The following ST8SIA6 variants were observed in gnomAD, a reference collection of about 807,000 sequenced individuals.
ST8SIA6 encodes the protein alpha-2,8-sialyltransferase 8F.
ST8SIA6 carries 39 observed loss-of-function variants against 33.6 expected under a neutral mutation model. That is an observed-to-expected ratio of 1.16 (90% CI 0.90 to 1.52). The LOEUF is 1.52. Among genes scored for constraint, ST8SIA6 ranks in the 40% most tolerant of loss-of-function variants. The pLI, the probability that ST8SIA6 is intolerant of heterozygous loss-of-function variation, is 0.00. For synonymous variants in ST8SIA6, 172 were observed against 167.2 expected (o/e 1.03, Z -0.22); for missense variants, 441 against 443.8 (o/e 0.99, Z 0.06).
chr10:17,377,959 G>A (rs1849975331), intron 3 of ST8SIA6, among the ~76,000 whole-genome samples: 1 of 152,130 alleles, frequency 6.6e-6, no homozygotes, highest in African/African-American at 2.4e-5. Context: ...TTAGTCTCCT[G>A]TGTGCAAAAC....
chr10:17,401,212 C>G (rs10795487), intron 2 of ST8SIA6, among the ~76,000 whole-genome samples: 64,485 of 151,640 alleles, frequency 0.43, 14,653 homozygotes, highest in East Asian at 0.68. Context: ...ACCTAGGAAT[C>G]CAACTTACAA....
chr10:17,341,255 G>A (rs1286090506), intron 4 of ST8SIA6, among the ~76,000 whole-genome samples: 2 of 152,196 alleles, frequency 1.3e-5, no homozygotes, highest in Non-Finnish European at 2.9e-5. Flanking sequence ...GCTTGGATCT[G>A]TTGTGGAAGC....
intron 4 of ST8SIA6, among the ~76,000 whole-genome samples, chr10:17,341,972 A>G (rs1015179282): frequency 6.6e-5 from 10 of 151,826 alleles, no homozygotes; most frequent in African/African-American, 2.4e-4. Flanking sequence ...AACCCAGAAG[A>G]GGGCACTCAC....
Position 17,317,339 on chromosome 10 carries a change from A to G in ST8SIA6, c.*3539T>C, listed in dbSNP as rs933622278. On this transcript the variant is annotated 3_prime_UTR_variant, in exon 8 of 8. Coordinates refer to ENST00000377602, the MANE Select transcript of ST8SIA6 (RefSeq NM_001004470.3). The stretch of plus-strand genomic sequence containing the variant: ...GAAATATTCTTGCCTTTCCACTCTC[A>G]GGAGGGTACTGGTGACACTGTTCCT... Among the ~76,000 whole-genome samples, 5 of 152,170 alleles carry G rather than the reference A, an allele frequency of 3.3e-5. No homozygotes were observed. Among genetic ancestry groups the G allele is most frequent in the Admixed American group, 1.3e-4 (2 of 15,272 alleles).
intron 3 of ST8SIA6, among the ~76,000 whole-genome samples, chr10:17,390,289 T>A (rs77882108): frequency 0.017 from 2,638 of 152,186 alleles, 77 homozygotes; most frequent in African/African-American, 0.06. Flanking sequence ...GGCCCCTACA[T>A]GGTATTTTTA....
intron 3 of ST8SIA6, among the ~76,000 whole-genome samples, chr10:17,375,288 T>C (rs1849875687): frequency 6.6e-6 from 1 of 152,236 alleles, no homozygotes; most frequent in Admixed American, 6.5e-5. Context: ...TTCTTCCTGA[T>C]GGACAACTTG....
At chr10:17,400,666 C>G (rs1851003708) in intron 2 of ST8SIA6, among the ~76,000 whole-genome samples, 1 of 152,078 alleles carries the variant, frequency 6.6e-6, no homozygotes, top group Non-Finnish European at 1.5e-5. Flanking sequence ...TAAGCAGAAC[C>G]AAAGACAAAA....
At chr10:17,428,261 C>T (rs1026778149) in intron 2 of ST8SIA6, among the ~76,000 whole-genome samples, 5 of 152,150 alleles carry the variant, frequency 3.3e-5, no homozygotes, top group South Asian at 2.1e-4. Flanking sequence ...CAGCCGCCAT[C>T]GGCCCTTCCC....
intron 3 of ST8SIA6, among the ~76,000 whole-genome samples, chr10:17,379,188 T>C (rs867893604): frequency 6.6e-6 from 1 of 151,398 alleles, no homozygotes; most frequent in Non-Finnish European, 1.5e-5. Context: ...GCTAGGCAAC[T>C]TGTAGAGAAA....
chr10:17,354,835 C>G (rs1849142841), intron 4 of ST8SIA6, among the ~76,000 whole-genome samples: 1 of 152,078 alleles, frequency 6.6e-6, no homozygotes, highest in Non-Finnish European at 1.5e-5. Flanking sequence ...GATTCTTTTC[C>G]CAGAAACGTG....
Position 17,371,645 on chromosome 10 carries a change from G to C in ST8SIA6, c.291-12045C>G, listed in dbSNP as rs534391667. ...ACTAAAAATACAAAAAGTTAGCAGG[G>C]CGTGGTGGTGCACGCCTATAATCCC... On this transcript the variant is annotated intron_variant, in intron 3 of 7. Transcript: ENST00000377602. Among the ~76,000 whole-genome samples, 27 of 151,746 alleles carry C rather than the reference G, an allele frequency of 1.8e-4. No individual in the cohort carries two copies. The East Asian group carries it at 5.3e-3, about 30-fold the overall frequency.
At chr10:17,428,647 G>A (rs1397486714) in intron 2 of ST8SIA6, among the ~76,000 whole-genome samples, 1 of 151,812 alleles carries the variant, frequency 6.6e-6, no homozygotes, top group Non-Finnish European at 1.5e-5. Flanking sequence ...AAGAGGAGGC[G>A]GCCAAGCAGA....
intron 2 of ST8SIA6, among the ~76,000 whole-genome samples, chr10:17,408,548 T>C (rs1851347592): frequency 6.6e-6 from 1 of 151,622 alleles, no homozygotes; most frequent in Non-Finnish European, 1.5e-5. Flanking sequence ...TAATCTCAGC[T>C]ACTTGGGAGA....
intron 3 of ST8SIA6, among the ~76,000 whole-genome samples, chr10:17,375,700 T>A (rs1015414401): frequency 2.6e-5 from 4 of 152,238 alleles, no homozygotes; most frequent in African/African-American, 9.6e-5. Context: ...CCCAGAAAGC[T>A]ATCTGAATAC....
intron 2 of ST8SIA6, among the ~76,000 whole-genome samples, chr10:17,423,298 G>A (rs945640640): frequency 3.9e-5 from 6 of 152,098 alleles, no homozygotes; most frequent in Admixed American, 3.9e-4. Flanking sequence ...TAATTTCCTT[G>A]GGGGAAACTT....
chr10:17,376,775 G>T (rs1012670856), intron 3 of ST8SIA6, among the ~76,000 whole-genome samples: 2 of 152,052 alleles, frequency 1.3e-5, no homozygotes, highest in African/African-American at 4.8e-5. Flanking sequence ...TTATCTGGGA[G>T]ATAACCTACT....
intron 2 of ST8SIA6, among the ~76,000 whole-genome samples, chr10:17,437,353 A>G (rs533757686): frequency 1.3e-5 from 2 of 152,102 alleles, no homozygotes; most frequent in African/African-American, 4.8e-5. Context: ...TTTTTAGTTT[A>G]TAGAGACATG....
In ST8SIA6 at chr10:17,355,566, C is replaced by G. The variant is rs144962638; in HGVS notation, c.377+3948G>C. ...TACCGTTGATGTTGTAGTTGGTCAC[C>G]ATTCTGTAGTTACTTGTCTACAACC... On this transcript the variant is annotated intron_variant, in intron 4 of 7. Coordinates refer to ENST00000377602, the MANE Select transcript of ST8SIA6 (RefSeq NM_001004470.3). Among the ~76,000 whole-genome samples the G allele has an allele frequency of 7.6e-4, 115 of 152,300 alleles. 3 individuals carry two copies. In the East Asian group the frequency reaches 0.015, roughly 20 times the overall value.
intron 2 of ST8SIA6, among the ~76,000 whole-genome samples, chr10:17,443,973 A>G (rs1564468034): frequency 6.6e-6 from 1 of 152,176 alleles, no homozygotes; most frequent in Non-Finnish European, 1.5e-5. Context: ...CTTGCAAAAG[A>G]GGGGATATAT....
Sources: gnomAD v4.1 joint callset for allele counts (sites outside exome capture counted in the v4.1 genomes callset) on GRCh38, gnomAD v4.1.1 for gene constraint, MANE v1.5 for transcripts, NCBI Gene and HGNC (gene_info 2026-07-23, HGNC 2026-07-21) for gene names.